AMD1: variants seen among roughly 807,000 people sequenced by gnomAD.
The protein encoded by AMD1 is S-adenosylmethionine decarboxylase proenzyme.
AMD1 carries 11 observed loss-of-function variants against 40.2 expected under a neutral mutation model. That is an observed-to-expected ratio of 0.27 (90% CI 0.17 to 0.45). The LOEUF is 0.45. AMD1 is among the 20% of genes least tolerant of loss of function. The pLI is 1.00. For missense variants in AMD1, 257 were observed against 410.2 expected, an observed-to-expected ratio of 0.63 and a Z score of 3.23; for synonymous variants, 121 against 130.8, an observed-to-expected ratio of 0.93 and a Z score of 0.51.
chr6:110,857,717 A>G, the AMD1 span, among the ~76,000 whole-genome samples: 1 of 145,238 alleles, frequency 6.9e-6, no homozygotes, highest in Non-Finnish European at 1.5e-5. Context: ...GATGGTATAT[A>G]TATAGATGGT....
rs1554238011 is a variant in AMD1, at chr6:110,892,727, C to CA, written c.616-8_616-7insA. ...CCCTTGTTAAACTCGGTCTTTTTCCCCCCCCAGGAGAGTGGAATTCGTGAC... is the reference window on the plus strand; with the variant it reads ...CCCTTGTTAAACTCGGTCTTTTTCCCACCCCCAGGAGAGTGGAATTCGTGAC... On this transcript the variant is annotated splice_region_variant and splice_polypyrimidine_tract_variant and intron_variant, in intron 6 of 8. Transcript: ENST00000368885. The CA allele has an allele frequency of 1.2e-6, 2 of 1,606,980 alleles. No homozygotes were observed. The highest frequency in any genetic ancestry group is 1.7e-6 in the Non-Finnish European group (2 of 1,175,370).
rs1470261742 is a variant in AMD1, at chr6:110,887,523, T to C, written c.129T>C (p.Leu43=). The change falls in exon 2 of 9, where the codon CTT becomes CTC. Residue 43 remains leucine (L), a synonymous_variant. Transcript: ENST00000368885. ...ATGATAGATCTGAGTGGGACATACT[T>C]TTGAAGGATGTGCAATGTTCAATCA... ...RTIPRSEWDI[L]LKDVQCSIIS... 1.2e-6 allele frequency: 2 copies of C among 1,608,570 alleles called. No homozygotes were observed. The highest frequency in any genetic ancestry group is 1.1e-5 in the South Asian group (1 of 89,884).
At position 110,874,944 on chromosome 6, in the gene AMD1, T is replaced by C; in HGVS notation, c.-162T>C. 1.7e-6 allele frequency: 1 copy of C among 598,596 alleles called. No homozygotes were observed. 37.1% of individuals were successfully genotyped at this position (598,596 alleles called of 1,614,324 possible). A position where few individuals can be genotyped will look rare whatever the true frequency, so the allele number is the denominator to read the frequency against. ...AAGCCGGGAAAATTTTATTAGTCCT[T>C]TTTTTAAAAAAAGTTAATATAAAAT... On this transcript the variant is annotated 5_prime_UTR_variant, in exon 1 of 9. Transcript: ENST00000368885.
At chr6:110,815,400 C>T in the AMD1 span, 36 of 326,772 alleles carry the variant, frequency 1.1e-4, no homozygotes, top group Admixed American at 7.7e-4. Context: ...CCGCCTCCCT[C>T]CTTCATTTCC....
the AMD1 span, among the ~76,000 whole-genome samples, chr6:110,833,962 A>AT: frequency 6.6e-4 from 98 of 148,074 alleles, no homozygotes; most frequent in South Asian, 0.013. Flanking sequence ...AGGAAAAACA[A>AT]TTTTTTTTTT....
At chr6:110,817,670 A>G in the AMD1 span, among the ~76,000 whole-genome samples, 4 of 152,204 alleles carry the variant, frequency 2.6e-5, no homozygotes, top group African/African-American at 9.7e-5. Context: ...ATGCACTATA[A>G]TAACTGCTGG....
chr6:110,893,166 C>A, intron 8 of AMD1, 101 bp downstream of exon 8: 1 of 1,085,166 alleles, frequency 9.2e-7, no homozygotes, highest in Non-Finnish European at 1.3e-6. Context: ...AGCACATATA[C>A]CAGCCACTCA....
At chr6:110,832,552 A>C in the AMD1 span, among the ~76,000 whole-genome samples, 1 of 152,234 alleles carries the variant, frequency 6.6e-6, no homozygotes, top group African/African-American at 2.4e-5. Context: ...GGCCTGTGAC[A>C]AACCACCTGC....
At chr6:110,845,414 T>G in the AMD1 span, among the ~76,000 whole-genome samples, 2 of 152,168 alleles carry the variant, frequency 1.3e-5, no homozygotes, top group African/African-American at 4.8e-5. Context: ...ATGAGAGATC[T>G]GCTCCCATGA....
intron 4 of AMD1, chr6:110,890,882 AAT>A (rs1471625497): frequency 6.6e-6 from 1 of 152,236 alleles, no homozygotes; most frequent in African/African-American, 2.4e-5. Flanking sequence ...AGAACATTAA[AAT>A]ATCAGATAAA....
At chr6:110,857,189 A>G in the AMD1 span, among the ~76,000 whole-genome samples, 1 of 151,856 alleles carries the variant, frequency 6.6e-6, no homozygotes, top group Non-Finnish European at 1.5e-5. Flanking sequence ...ATAACCAACT[A>G]AAACCTATGT....
At chr6:110,823,618 T>G in the AMD1 span, among the ~76,000 whole-genome samples, 2 of 152,300 alleles carry the variant, frequency 1.3e-5, no homozygotes, top group South Asian at 4.1e-4. Context: ...AATTTTCTTC[T>G]GTTACCTTTA....
chr6:110,875,311 C>A, intron 1 of AMD1, 96 bp downstream of exon 1: 2 of 1,014,994 alleles, frequency 2.0e-6, no homozygotes, highest in South Asian at 1.4e-5. Context: ...CCTCAGCTTT[C>A]AGTTGGGGGC....
the AMD1 span, chr6:110,814,942 C>T: frequency 6.3e-7 from 1 of 1,590,140 alleles, no homozygotes; most frequent in Admixed American, 1.7e-5. Context: ...TCCGACCCAC[C>T]CATCCCGCCA....
At chr6:110,862,363 T>C in the AMD1 span, among the ~76,000 whole-genome samples, 1 of 151,304 alleles carries the variant, frequency 6.6e-6, no homozygotes, top group Non-Finnish European at 1.5e-5. Context: ...TAGAGTGCTT[T>C]CTCTTATTTG....
the AMD1 span, among the ~76,000 whole-genome samples, chr6:110,859,449 G>A: frequency 6.6e-6 from 1 of 152,166 alleles, no homozygotes; most frequent in South Asian, 2.1e-4. Flanking sequence ...TGGGCTTGGA[G>A]GGACCCAGTC....
At chr6:110,853,453 G>A in the AMD1 span, among the ~76,000 whole-genome samples, 6 of 151,952 alleles carry the variant, frequency 3.9e-5, no homozygotes, top group Non-Finnish European at 7.4e-5. Context: ...GACTACAGGC[G>A]CGAGCCACCA....
At chr6:110,882,936 T>C (rs1785486627) in intron 1 of AMD1, among the ~76,000 whole-genome samples, 2 of 152,084 alleles carry the variant, frequency 1.3e-5, no homozygotes, top group South Asian at 2.1e-4. Context: ...CTGGGCAACA[T>C]AGGGAGACCT....
chr6:110,884,861 A>T (rs1293876573), intron 1 of AMD1, among the ~76,000 whole-genome samples: 5 of 152,218 alleles, frequency 3.3e-5, no homozygotes, highest in Non-Finnish European at 7.3e-5. Flanking sequence ...TCCAGTGGGT[A>T]AAAAGGAGTA....
Sources: gnomAD v4.1 joint callset for allele counts (sites outside exome capture counted in the v4.1 genomes callset) on GRCh38, gnomAD v4.1.1 for gene constraint, MANE v1.5 for transcripts, NCBI Gene and HGNC (gene_info 2026-07-23, HGNC 2026-07-21) for gene names.